The following TAF4B variants were observed in gnomAD, a reference collection of about 807,000 sequenced individuals.
TAF4B encodes transcription initiation factor TFIID subunit 4B.
In TAF4B, 38 loss-of-function variants were observed where a neutral mutation model predicts 86.4. The ratio of observed to expected loss-of-function variants is 0.44; its 90% CI spans 0.34 to 0.58. TAF4B has a LOEUF of 0.58. TAF4B is among the 20% of genes least tolerant of loss of function. The pLI is 0.02. For missense variants in TAF4B, 988 were observed against 1,027.6 expected (o/e 0.96, Z 0.53); for synonymous variants, 388 against 391.2 (o/e 0.99, Z 0.10).
chr18:26,280,001 G>A lies in TAF4B; in HGVS notation c.883-1970G>A, dbSNP rs193171185. Among the ~76,000 whole-genome samples, 40 of 151,136 alleles carry A rather than the reference G, an allele frequency of 2.6e-4. No homozygotes were observed. In the East Asian group the frequency reaches 5.0e-3, roughly 19 times the overall value. ...GGAGGTTGCAGTGGGCCAAGATCAC[G>A]CCACTGCACTACAGCCTAGGTGACA... is the stretch of plus-strand genomic sequence containing the variant. On this transcript the variant is annotated intron_variant, in intron 5 of 14. Transcript: ENST00000269142.
intron 8 of TAF4B, among the ~76,000 whole-genome samples, chr18:26,292,872 A>G (rs1201673019): frequency 6.6e-6 from 1 of 152,180 alleles, no homozygotes; most frequent in Admixed American, 6.5e-5. Flanking sequence ...TTAGGGTTAT[A>G]TGTTGTTTTG....
At chr18:26,238,946 T>G (rs1436231796) in intron 1 of TAF4B, among the ~76,000 whole-genome samples, 1 of 152,222 alleles carries the variant, frequency 6.6e-6, no homozygotes, top group Non-Finnish European at 1.5e-5. Flanking sequence ...TGCATAGTAT[T>G]CCATAGTGTA....
chr18:26,343,297 C>T (rs910479227), intron 13 of TAF4B, among the ~76,000 whole-genome samples: 1 of 152,168 alleles, frequency 6.6e-6, no homozygotes, highest in Non-Finnish European at 1.5e-5. Context: ...GAGGGAGGAG[C>T]TCAGGAAAGC....
Position 26,274,715 on chromosome 18 carries a change from A to G in TAF4B, c.650A>G (p.Asn217Ser). ...ACAGTTACTCCTGGAAAGCCATTGA[A>G]TACTGTAACTACCCTGAAGCCTTCA... is the stretch of plus-strand genomic sequence containing the variant. Reference protein sequence around the residue: ...VVTVTPGKPLNTVTTLKPSSL... With the variant: ...VVTVTPGKPLSTVTTLKPSSL... The change falls in exon 4 of 15, where the codon AAT (asparagine) becomes AGT (serine). Residue 217 changes from asparagine to serine, a missense_variant. Coordinates refer to ENST00000269142, the MANE Select transcript of TAF4B (RefSeq NM_005640.3). 1 of 1,614,184 alleles carries G rather than the reference A, an allele frequency of 6.2e-7. No homozygotes were observed. Among genetic ancestry groups the G allele is most frequent in the Non-Finnish European group, 8.5e-7 (1 of 1,180,016 alleles).
At chr18:26,233,718 C>T (rs573190486) in intron 1 of TAF4B, among the ~76,000 whole-genome samples, 1 of 152,284 alleles carries the variant, frequency 6.6e-6, no homozygotes, top group East Asian at 1.9e-4. Context: ...ACTTCCTCAG[C>T]CCTCTCTGTC....
intron 9 of TAF4B, among the ~76,000 whole-genome samples, chr18:26,313,694 C>T (rs941135395): frequency 4.0e-5 from 6 of 151,286 alleles, no homozygotes; most frequent in Non-Finnish European, 8.8e-5. Flanking sequence ...AACACAGGGT[C>T]TCACTCTGTC....
At chr18:26,389,404 T>C (rs940213813) in intron 14 of TAF4B, among the ~76,000 whole-genome samples, 1 of 152,206 alleles carries the variant, frequency 6.6e-6, no homozygotes, top group Non-Finnish European at 1.5e-5. Context: ...ATTATTGACA[T>C]ACAAAAGACT....
chr18:26,375,472 TG>T (rs758389847), intron 14 of TAF4B, among the ~76,000 whole-genome samples: 1 of 152,202 alleles, frequency 6.6e-6, no homozygotes, highest in Non-Finnish European at 1.5e-5. Flanking sequence ...TTTTGGGAAC[TG>T]CCAAACTGCT....
chr18:26,236,080 G>T (rs182015638), intron 1 of TAF4B, among the ~76,000 whole-genome samples: 1 of 152,284 alleles, frequency 6.6e-6, no homozygotes, highest in Admixed American at 6.5e-5. Context: ...TCCTTCCAAT[G>T]CCCAGACTTC....
Position 26,227,265 on chromosome 18 carries a change from A to T in TAF4B, c.332A>T (p.Gln111Leu), listed in dbSNP as rs201019228. ...TTTIQFPANL[Q>L]LPPGTVLIKS... ...ACAATCCAGTTTCCTGCTAATTTGC[A>T]GCTTCCTCCAGGTATGTTGATAACC... Residue 111 changes from glutamine to leucine, a missense_variant, in exon 1 of 15, where the codon CAG becomes CTG. Around this residue, in one of 3 missense-constraint regions of TAF4B, gnomAD observed 747 missense variants for 737.9 expected, o/e 1.01. Transcript: ENST00000269142. The T allele has an allele frequency of 3.5e-5, 56 of 1,612,542 alleles. No individual in the cohort carries two copies. The highest frequency in any genetic ancestry group is 1.0e-4 in the Admixed American group (6 of 59,872).
Position 26,346,738 on chromosome 18 carries a change from AAT to A in TAF4B, c.2317-10937_2317-10936del, listed in dbSNP as rs1180050315. ...AAATTTTAAAAAACTGCTAGCCAAG[AAT>A]ATATATATATATATGTGTGTATATA... On this transcript the variant is annotated intron_variant, in intron 13 of 14. Transcript: ENST00000269142. Among the ~76,000 whole-genome samples the A allele has an allele frequency of 3.3e-4, 30 of 90,518 alleles. 2 individuals are homozygous for A. Among genetic ancestry groups the A allele is most frequent in the South Asian group, 3.1e-3 (7 of 2,246 alleles). 59.4% of individuals were successfully genotyped at this position (90,518 alleles called of 152,430 possible). A position where few individuals can be genotyped will look rare whatever the true frequency, so the allele number is the denominator to read the frequency against.
intron 10 of TAF4B, among the ~76,000 whole-genome samples, chr18:26,318,944 A>C (rs538468752): frequency 1.3e-5 from 2 of 152,368 alleles, no homozygotes; most frequent in African/African-American, 4.8e-5. Context: ...CTGTAATCCC[A>C]GCACTTTGGG....
At chr18:26,227,595 T>C (rs1568086820) in intron 1 of TAF4B, among the ~76,000 whole-genome samples, 1 of 152,176 alleles carries the variant, frequency 6.6e-6, no homozygotes, top group Non-Finnish European at 1.5e-5. Flanking sequence ...GTTTATACCG[T>C]GGATTTCCAT....
At chr18:26,354,487 G>T (rs2057270554) in intron 13 of TAF4B, among the ~76,000 whole-genome samples, 1 of 152,190 alleles carries the variant, frequency 6.6e-6, no homozygotes, top group Admixed American at 6.5e-5. Context: ...ATGTTGGATG[G>T]AACAAATAGT....
intron 13 of TAF4B, among the ~76,000 whole-genome samples, chr18:26,346,827 A>G (rs1227636085): frequency 7.7e-5 from 2 of 25,986 alleles, no homozygotes; most frequent in African/African-American, 1.8e-4. Context: ...GTGTGTGTAT[A>G]TATATATATG....
intron 9 of TAF4B, among the ~76,000 whole-genome samples, chr18:26,300,176 A>G (rs1395225433): frequency 3.3e-5 from 5 of 151,732 alleles, no homozygotes; most frequent in Non-Finnish European, 5.9e-5. Context: ...TTTTGTAACA[A>G]TGAGGTTTCA....
chr18:26,320,159 A>G (rs2056949888), intron 10 of TAF4B, among the ~76,000 whole-genome samples: 3 of 152,236 alleles, frequency 2.0e-5, no homozygotes. Flanking sequence ...GGTAAATTAG[A>G]ATATAAAATC....
intron 9 of TAF4B, among the ~76,000 whole-genome samples, chr18:26,306,735 T>C (rs1346163594): frequency 1.3e-5 from 2 of 152,166 alleles, no homozygotes; most frequent in Admixed American, 6.5e-5. Flanking sequence ...AATTTAATTT[T>C]GCTTCCCTGG....
intron 5 of TAF4B, among the ~76,000 whole-genome samples, chr18:26,277,346 G>A (rs572602518): frequency 6.6e-6 from 1 of 152,084 alleles, no homozygotes; most frequent in Non-Finnish European, 1.5e-5. Context: ...TTGGCCTGGC[G>A]AAGTGCTAGG....
Sources: gnomAD v4.1 joint callset for allele counts (sites outside exome capture counted in the v4.1 genomes callset) on GRCh38, gnomAD v4.1.1 for gene constraint, gnomAD v4.1.1 regional missense constraint, MANE v1.5 for transcripts, NCBI Gene and HGNC (gene_info 2026-07-23, HGNC 2026-07-21) for gene names.